AGBL1: variants seen among roughly 807,000 people sequenced by gnomAD.
AGBL1 encodes AGBL carboxypeptidase 1.
AGBL1 carries 130 observed loss-of-function variants against 118.9 expected under a neutral mutation model. The ratio of observed to expected loss-of-function variants is 1.09; its 90% CI spans 0.95 to 1.26. The LOEUF is 1.26. Among genes scored for constraint, AGBL1 ranks in the 50% most tolerant of loss-of-function variants. The pLI is 0.00. For missense variants in AGBL1, 1,584 were observed against 1,298.1 expected, an observed-to-expected ratio of 1.22 and a Z score of -3.38; for synonymous variants, 555 against 478.9, an observed-to-expected ratio of 1.16 and a Z score of -2.08.
chr15:86,989,311 A>AT (rs1351721375), intron 24 of AGBL1, among the ~76,000 whole-genome samples: 1 of 152,014 alleles, frequency 6.6e-6, no homozygotes, highest in Non-Finnish European at 1.5e-5. Context: ...CTCATTTGTG[A>AT]TTTTTAAATC....
chr15:86,856,591 G>T (rs1236037278), intron 22 of AGBL1, among the ~76,000 whole-genome samples: 5 of 152,208 alleles, frequency 3.3e-5, no homozygotes, highest in African/African-American at 7.2e-5. Context: ...GATAAATAAA[G>T]TGCATTGAGC....
rs61365024 is a variant in AGBL1, at chr15:86,262,078, C to CTTT, written c.970-686_970-684dup. Reference sequence around the variant, plus strand: ...CACTGCTAGGCCTATGCATAGCTGGCTTTTTTTTTTTTTTTTGCCATTTAG... The same window carrying CTTT: ...CACTGCTAGGCCTATGCATAGCTGGCTTTTTTTTTTTTTTTTTTTGCCATTTAG... On this transcript the variant is annotated intron_variant, in intron 9 of 22. Transcript: ENST00000614907. 7.7e-3 allele frequency among the ~76,000 whole-genome samples: 408 copies of CTTT among 52,770 alleles called. 71 individuals are homozygous for CTTT. Among genetic ancestry groups the CTTT allele is most frequent in the African/African-American group, 0.022 (357 of 16,466 alleles). 34.6% of individuals were successfully genotyped at this position (52,770 alleles called of 152,430 possible).
At chr15:86,318,567 A>G (rs1299262559) in intron 17 of AGBL1, among the ~76,000 whole-genome samples, 2 of 152,094 alleles carry the variant, frequency 1.3e-5, no homozygotes, top group Non-Finnish European at 2.9e-5. Context: ...CACTAGAGCC[A>G]GATGTGTAGT....
At chr15:86,241,702 C>A (rs1317349069) in intron 6 of AGBL1, among the ~76,000 whole-genome samples, 1 of 152,212 alleles carries the variant, frequency 6.6e-6, no homozygotes, top group Non-Finnish European at 1.5e-5. Flanking sequence ...CTGGCCTAAT[C>A]ATGTCTTCAA....
At chr15:86,281,616 C>G (rs892818200) in intron 16 of AGBL1, among the ~76,000 whole-genome samples, 5 of 152,076 alleles carry the variant, frequency 3.3e-5, no homozygotes, top group Non-Finnish European at 7.4e-5. Context: ...CTAATTCACC[C>G]TTAACGTTTA....
chr15:86,551,709 G>A (rs535464886), intron 20 of AGBL1, among the ~76,000 whole-genome samples: 2 of 152,158 alleles, frequency 1.3e-5, no homozygotes, highest in Non-Finnish European at 2.9e-5. Context: ...TATGAGGTCT[G>A]TGTTATCCTG....
At chr15:86,550,176 AAAATATTTG>A (rs1314418616) in intron 20 of AGBL1, among the ~76,000 whole-genome samples, 1 of 152,160 alleles carries the variant, frequency 6.6e-6, no homozygotes, top group African/African-American at 2.4e-5. Flanking sequence ...AATGTCTGAA[AAAATATTTG>A]AAGATATAAT....
At chr15:86,238,743 A>G (rs2078594914) in intron 6 of AGBL1, among the ~76,000 whole-genome samples, 1 of 152,226 alleles carries the variant, frequency 6.6e-6, no homozygotes, top group African/African-American at 2.4e-5. Flanking sequence ...GACTCCTCAT[A>G]TGGAATGTAG....
chr15:86,369,548 T>C (rs987647745), intron 17 of AGBL1, among the ~76,000 whole-genome samples: 7 of 152,100 alleles, frequency 4.6e-5, no homozygotes, highest in Non-Finnish European at 8.8e-5. Context: ...ATCAGTTGGT[T>C]AAAATGAGTG....
chr15:86,579,698 C>G (rs1039150430), intron 21 of AGBL1, among the ~76,000 whole-genome samples: 2 of 152,150 alleles, frequency 1.3e-5, no homozygotes, highest in African/African-American at 2.4e-5. Context: ...TCACAGCTGT[C>G]TTTTAACATG....
chr15:86,771,997 T>C (rs1363337927), intron 22 of AGBL1, among the ~76,000 whole-genome samples: 1 of 151,928 alleles, frequency 6.6e-6, no homozygotes, highest in Non-Finnish European at 1.5e-5. Context: ...AGGGGCAGAA[T>C]GTACATATTT....
intron 22 of AGBL1, among the ~76,000 whole-genome samples, chr15:86,818,630 T>C (rs2078898351): frequency 6.6e-6 from 1 of 152,030 alleles, no homozygotes; most frequent in African/African-American, 2.4e-5. Context: ...TAGATGGATT[T>C]GGTGAAAACT....
chr15:86,210,468 T>G (rs982980410), intron 5 of AGBL1, among the ~76,000 whole-genome samples: 3 of 152,238 alleles, frequency 2.0e-5, no homozygotes, highest in Non-Finnish European at 4.4e-5. Context: ...AATGTATATT[T>G]GGTCTTTCCC....
At chr15:86,405,381 T>C (rs2081510208) in intron 18 of AGBL1, among the ~76,000 whole-genome samples, 1 of 151,712 alleles carries the variant, frequency 6.6e-6, no homozygotes, top group Non-Finnish European at 1.5e-5. Context: ...CCAGCTGTGG[T>C]GGTGGGTACC....
intron 22 of AGBL1, among the ~76,000 whole-genome samples, chr15:86,767,449 A>C (rs2078111586): frequency 6.6e-6 from 1 of 151,996 alleles, no homozygotes; most frequent in African/African-American, 2.4e-5. Context: ...CTTTATTATT[A>C]AATTTCTTAA....
intron 15 of AGBL1, among the ~76,000 whole-genome samples, chr15:86,279,328 C>T (rs1044952152): frequency 6.6e-6 from 1 of 152,124 alleles, no homozygotes; most frequent in Non-Finnish European, 1.5e-5. Flanking sequence ...TCAGATTTTC[C>T]TCGATGTTCT....
intron 22 of AGBL1, among the ~76,000 whole-genome samples, chr15:86,710,934 T>G (rs1212451532): frequency 6.6e-6 from 1 of 152,184 alleles, no homozygotes; most frequent in East Asian, 1.9e-4. Context: ...ATAGTTTCTT[T>G]CCAGGGTTCT....
intron 22 of AGBL1, among the ~76,000 whole-genome samples, chr15:86,823,139 T>G (rs937095686): frequency 6.6e-6 from 1 of 152,140 alleles, no homozygotes; most frequent in Non-Finnish European, 1.5e-5. Flanking sequence ...TTATAAAAGC[T>G]TTTAGTAATA....
intron 5 of AGBL1, among the ~76,000 whole-genome samples, chr15:86,220,894 C>T (rs1219740778): frequency 6.6e-6 from 1 of 152,048 alleles, no homozygotes; most frequent in Non-Finnish European, 1.5e-5. Context: ...CAGTGCCCTC[C>T]CAAGAAGTCC....
Sources: gnomAD v4.1 joint callset for allele counts (sites outside exome capture counted in the v4.1 genomes callset) on GRCh38, gnomAD v4.1.1 for gene constraint, MANE v1.5 for transcripts, NCBI Gene and HGNC (gene_info 2026-07-23, HGNC 2026-07-21) for gene names.